The following PRKN variants were observed in gnomAD, a reference collection of about 807,000 sequenced individuals.
PRKN encodes E3 ubiquitin-protein ligase parkin.
PRKN carries 56 observed loss-of-function variants against 59.5 expected under a neutral mutation model. The observed-to-expected ratio is 0.94, with a 90% CI of 0.76 to 1.18. The LOEUF is 1.18. Among genes scored for constraint, PRKN ranks in the 50% most tolerant of loss-of-function variants. The probability of loss-of-function intolerance (pLI) is 0.00; values close to 1 mark genes in which losing one functional copy is unlikely to be tolerated. For missense variants in PRKN, 657 were observed against 596.4 expected (o/e 1.10, Z -1.06); for synonymous variants, 250 against 222.1 (o/e 1.13, Z -1.12).
chr6:161,657,181 G>A (rs751482805), intron 7 of PRKN, among the ~76,000 whole-genome samples: 5 of 151,986 alleles, frequency 3.3e-5, no homozygotes, highest in African/African-American at 9.7e-5. Context: ...CCAGACACCC[G>A]AGAATCACCT....
intron 1 of PRKN, among the ~76,000 whole-genome samples, chr6:162,627,348 A>G (rs34709632): frequency 0.079 from 12,019 of 152,286 alleles, 683 homozygotes; most frequent in Middle Eastern, 0.17. Context: ...AGGTTATTCA[A>G]AAATATTTAC....
chr6:161,919,882 G>A (rs1006369100), intron 6 of PRKN, among the ~76,000 whole-genome samples: 1 of 152,248 alleles, frequency 6.6e-6, no homozygotes, highest in Non-Finnish European at 1.5e-5. Flanking sequence ...CCTTAGGACA[G>A]ATAGTAAGCA....
At chr6:161,834,186 G>C (rs1430955576) in intron 6 of PRKN, among the ~76,000 whole-genome samples, 1 of 151,976 alleles carries the variant, frequency 6.6e-6, no homozygotes, top group Non-Finnish European at 1.5e-5. Flanking sequence ...TTTATGCACT[G>C]ATCTAGGAGC....
chr6:161,491,506 C>T (rs1737847715), intron 9 of PRKN, among the ~76,000 whole-genome samples: 1 of 151,934 alleles, frequency 6.6e-6, no homozygotes, highest in African/African-American at 2.4e-5. Flanking sequence ...TTGGGCAAAT[C>T]CACTCTCTGC....
intron 2 of PRKN, among the ~76,000 whole-genome samples, chr6:162,295,186 T>A (rs576552160): frequency 4.1e-4 from 62 of 152,302 alleles, no homozygotes; most frequent in Admixed American, 2.2e-3. Context: ...CTCTTCCAAA[T>A]GCTGGTCGCT....
At chr6:161,957,497 T>C (rs1780223436) in intron 6 of PRKN, among the ~76,000 whole-genome samples, 1 of 150,610 alleles carries the variant, frequency 6.6e-6, no homozygotes, top group Non-Finnish European at 1.5e-5. Context: ...CAATGTTGGC[T>C]AACTGCAACC....
At chr6:161,557,179 C>T (rs74298754) in intron 8 of PRKN, among the ~76,000 whole-genome samples, 3 of 152,168 alleles carry the variant, frequency 2.0e-5, no homozygotes, top group East Asian at 3.8e-4. Context: ...AGAATCCTGA[C>T]TCACTGCTAT....
intron 9 of PRKN, among the ~76,000 whole-genome samples, chr6:161,472,292 G>A (rs551707627): frequency 2.0e-4 from 30 of 152,246 alleles, no homozygotes; most frequent in South Asian, 8.3e-4. Flanking sequence ...CTTGCAGAAC[G>A]TGTTGGGAGT....
intron 6 of PRKN, among the ~76,000 whole-genome samples, chr6:161,846,340 A>G (rs553792801): frequency 9.8e-5 from 15 of 152,354 alleles, no homozygotes; most frequent in African/African-American, 3.6e-4. Flanking sequence ...TAATGTATTT[A>G]CCACATACCA....
At chr6:162,374,373 A>C (rs1785934580) in intron 2 of PRKN, among the ~76,000 whole-genome samples, 1 of 148,398 alleles carries the variant, frequency 6.7e-6, no homozygotes, top group East Asian at 2.0e-4. Context: ...TTAGGAGATA[A>C]AACCTGGTCT....
chr6:162,092,480 T>C (rs963500095), intron 4 of PRKN, among the ~76,000 whole-genome samples: 3 of 152,248 alleles, frequency 2.0e-5, no homozygotes, highest in African/African-American at 7.2e-5. Context: ...TCATTCACAA[T>C]TGAGTTCCCA....
intron 7 of PRKN, among the ~76,000 whole-genome samples, chr6:161,573,756 ATATATATATATATATATATAT>A (rs1431061862): frequency 1.9e-4 from 1 of 5,164 alleles, no homozygotes; most frequent in Non-Finnish European, 3.6e-4. Flanking sequence ...AAAAAAAAAA[ATATATATATATATATATATAT>A]ATATATATAT....
At chr6:161,735,411 C>T (rs780743424) in intron 7 of PRKN, among the ~76,000 whole-genome samples, 1 of 152,150 alleles carries the variant, frequency 6.6e-6, no homozygotes, top group Non-Finnish European at 1.5e-5. Context: ...TTTCCTTTCT[C>T]TAGCTTACTT....
At chr6:161,620,512 C>T (rs1782858596) in intron 7 of PRKN, among the ~76,000 whole-genome samples, 1 of 152,140 alleles carries the variant, frequency 6.6e-6, no homozygotes, top group Non-Finnish European at 1.5e-5. Flanking sequence ...GTAGGTATCA[C>T]ATGGAATGGA....
intron 1 of PRKN, among the ~76,000 whole-genome samples, chr6:162,636,254 G>GA (rs34689944): frequency 9.4e-5 from 14 of 149,106 alleles, no homozygotes; most frequent in Admixed American, 1.3e-4. Flanking sequence ...CAAGTCAGTA[G>GA]AAAAAAAAAA....
At chr6:161,788,703 C>T (rs1790522952) in intron 6 of PRKN, among the ~76,000 whole-genome samples, 1 of 151,168 alleles carries the variant, frequency 6.6e-6, no homozygotes, top group African/African-American at 2.5e-5. Context: ...TGAAGAAACG[C>T]CACTGCCCAG....
At chr6:161,430,553 C>T (rs938771704) in intron 9 of PRKN, among the ~76,000 whole-genome samples, 11 of 152,084 alleles carry the variant, frequency 7.2e-5, no homozygotes, top group Middle Eastern at 3.4e-3. Flanking sequence ...TGGTGGCTCA[C>T]GCCTGTAATC....
intron 7 of PRKN, among the ~76,000 whole-genome samples, chr6:161,774,244 GAAGCC>G (rs925797305): frequency 3.9e-5 from 6 of 152,076 alleles, no homozygotes; most frequent in African/African-American, 1.4e-4. Flanking sequence ...GGAAAGCTGA[GAAGCC>G]ATTCAATAAA....
At chr6:162,205,961 G>A (rs188136022) in intron 3 of PRKN, among the ~76,000 whole-genome samples, 21 of 152,240 alleles carry the variant, frequency 1.4e-4, no homozygotes, top group African/African-American at 2.2e-4. Flanking sequence ...AACTGACAAC[G>A]CGGAGACTCA....
Sources: allele counts gnomAD v4.1 joint callset (sites outside exome capture counted in the v4.1 genomes callset), GRCh38; gene constraint gnomAD v4.1.1; transcripts MANE v1.5; gene names NCBI Gene and HGNC (gene_info 2026-07-23, HGNC 2026-07-21).